NLN: variants seen among roughly 807,000 people sequenced by gnomAD.
NLN encodes neurolysin, mitochondrial.
Under a neutral mutation model 79.9 loss-of-function variants are expected in NLN, and 64 were observed. The ratio of observed to expected loss-of-function variants is 0.80; its 90% CI spans 0.65 to 0.99. NLN has a LOEUF of 0.99. NLN is among the 50% of genes least tolerant of loss of function. NLN has a pLI of 0.00. For missense variants in NLN, 835 were observed against 858.7 expected, an observed-to-expected ratio of 0.97 and a Z score of 0.34; for synonymous variants, 267 against 296.6, an observed-to-expected ratio of 0.90 and a Z score of 1.02.
intron 3 of NLN, among the ~76,000 whole-genome samples, chr5:65,766,808 A>T (rs537661365): frequency 6.6e-6 from 1 of 152,364 alleles, no homozygotes; most frequent in South Asian, 2.1e-4. Flanking sequence ...AAATGTTCAC[A>T]TTCCAAATGG....
intron 3 of NLN, among the ~76,000 whole-genome samples, chr5:65,766,583 C>G (rs961034689): frequency 5.9e-5 from 9 of 152,144 alleles, no homozygotes; most frequent in African/African-American, 2.2e-4. Context: ...TCATCACACC[C>G]CCAGCCCCTC....
intron 1 of NLN, among the ~76,000 whole-genome samples, chr5:65,756,560 C>G (rs1219192501): frequency 3.3e-5 from 5 of 152,154 alleles, no homozygotes; most frequent in Non-Finnish European, 5.9e-5. Flanking sequence ...AGTGATTTCT[C>G]TAAAACACAA....
At chr5:65,767,424 A>C (rs1759475164) in intron 3 of NLN, among the ~76,000 whole-genome samples, 1 of 152,220 alleles carries the variant, frequency 6.6e-6, no homozygotes, top group African/African-American at 2.4e-5. Context: ...GAGCTGGAGC[A>C]ACTGGGATGC....
chr5:65,758,910 G>T, intron 2 of NLN, 84 bp downstream of exon 2: 1 of 1,252,190 alleles, frequency 8.0e-7, no homozygotes, highest in Non-Finnish European at 1.1e-6. Flanking sequence ...CAGTTTTCCA[G>T]TTTTACAAGC....
At chr5:65,811,446 C>T (rs371388036) in intron 11 of NLN, among the ~76,000 whole-genome samples, 58 of 151,836 alleles carry the variant, frequency 3.8e-4, no homozygotes, top group East Asian at 5.8e-4. Flanking sequence ...GAGGCTGAGG[C>T]GGGAAGATCA....
chr5:65,787,304 G>A (rs1387482121), intron 7 of NLN, among the ~76,000 whole-genome samples: 1 of 151,406 alleles, frequency 6.6e-6, no homozygotes, highest in Non-Finnish European at 1.5e-5. Flanking sequence ...ACAGACACAT[G>A]CACGCACACA....
chr5:65,780,318 T>G (rs780113934), intron 5 of NLN, 37 bp downstream of exon 5: 1 of 813,644 alleles, frequency 1.2e-6, no homozygotes, highest in South Asian at 1.6e-5. Context: ...AATCATATAA[T>G]TTAGGCAAAT....
Position 65,809,783 on chromosome 5 carries a change from T to C in NLN, c.1714+82T>C, listed in dbSNP as rs534442831. 3.2e-4 allele frequency: 385 copies of C among 1,187,110 alleles called. 4 individuals carry two copies. The South Asian group carries it at 5.7e-3, about 18-fold the overall frequency. 73.5% of individuals were successfully genotyped at this position (1,187,110 alleles called of 1,614,324 possible). ...CTGTCACCTTCTTCTGTAGAACTTA[T>C]TTTCATTTTAAGTGGTATCCCAACC... On this transcript the variant is annotated intron_variant, in intron 10 of 12. Coordinates refer to ENST00000380985, the MANE Select transcript of NLN (RefSeq NM_020726.5).
intron 2 of NLN, among the ~76,000 whole-genome samples, chr5:65,761,087 C>T (rs896670816): frequency 1.3e-5 from 2 of 152,094 alleles, no homozygotes; most frequent in African/African-American, 4.8e-5. Flanking sequence ...TGGGCGTCAG[C>T]ATTGTCTATG....
At position 65,825,816 on chromosome 5, in the gene NLN, A is replaced by G. The variant is rs918864375; in HGVS notation, c.*2901A>G. The G allele has an allele frequency of 1.3e-5, 2 of 152,184 alleles. No individual in the cohort carries two copies. Among genetic ancestry groups the G allele is most frequent in the African/African-American group, 2.4e-5 (1 of 41,448 alleles). 9.4% of individuals were successfully genotyped at this position (152,184 alleles called of 1,614,324 possible). A position where few individuals can be genotyped will look rare whatever the true frequency, so the allele number is the denominator to read the frequency against. On this transcript the variant is annotated 3_prime_UTR_variant, in exon 13 of 13. Transcript: ENST00000380985. ...CAGTGACTCAATTTTCTACTTTACC[A>G]TTTTACCTTTAGCTTTTATGTATGA...
intron 1 of NLN, among the ~76,000 whole-genome samples, chr5:65,737,469 A>AT (rs1219526320): frequency 2.0e-5 from 3 of 152,060 alleles, no homozygotes; most frequent in African/African-American, 4.8e-5. Flanking sequence ...TCAGCAGCCT[A>AT]TTTTTTTGTT....
chr5:65,779,050 A>G (rs1332386376), intron 4 of NLN, among the ~76,000 whole-genome samples: 2 of 152,054 alleles, frequency 1.3e-5, no homozygotes, highest in Admixed American at 1.3e-4. Flanking sequence ...TGGGCGCTGC[A>G]AAGTGGGGCA....
At chr5:65,787,865 C>T (rs1388657897) in intron 7 of NLN, among the ~76,000 whole-genome samples, 1 of 152,156 alleles carries the variant, frequency 6.6e-6, no homozygotes, top group African/African-American at 2.4e-5. Flanking sequence ...GAACTCATGG[C>T]CCAGTTCTGG....
chr5:65,809,926 C>A, intron 10 of NLN, 111 bp from the exon 11 acceptor site: 1 of 1,244,632 alleles, frequency 8.0e-7, no homozygotes, highest in South Asian at 1.4e-5. Context: ...ATGTCCTGCT[C>A]CCATTTTGTG....
chr5:65,809,519 AT>A lies in NLN; in HGVS notation c.1536del (p.Phe512LeufsTer14), dbSNP rs778697835. 2 of 1,594,936 alleles carry A rather than the reference AT, an allele frequency of 1.3e-6. No homozygotes were observed. The highest frequency in any genetic ancestry group is 2.2e-5 in the East Asian group (1 of 44,750). On this transcript the variant is annotated frameshift_variant, in exon 10 of 13. Coordinates refer to ENST00000380985, the MANE Select transcript of NLN (RefSeq NM_020726.5). LOFTEE classifies it high-confidence loss of function. The part of the protein sequence containing the change: ...HVMHQICAQT[D>X]FARFSGTNVE... ...TTCTCTGTGTTTGCTTTCTAGACTG[AT>A]TTTGCACGATTTAGCGGAACAAATG...
rs1198350282 is a variant in NLN at position 65,781,221 on chromosome 5, G to T, written c.662-40G>T. 7 of 1,422,620 alleles carry T rather than the reference G, an allele frequency of 4.9e-6. No individual in the cohort carries two copies. In the African/African-American group the frequency reaches 9.9e-5, roughly 20 times the overall value. 88.1% of individuals were successfully genotyped at this position (1,422,620 alleles called of 1,614,324 possible). On this transcript the variant is annotated intron_variant, in intron 5 of 12. Transcript: ENST00000380985. ...TGCCAATACTAAATAAACCAGCAAT[G>T]AGTGGAAAATTTGATATATGAGAAA...
At chr5:65,788,669 C>T (rs1218913501) in intron 8 of NLN, among the ~76,000 whole-genome samples, 185 bp downstream of exon 8, 1 of 152,066 alleles carries the variant, frequency 6.6e-6, no homozygotes, top group East Asian at 1.9e-4. Context: ...GGCCCTGTCT[C>T]TACAAAAAAT....
chr5:65,791,267 C>T, intron 8 of NLN, among the ~76,000 whole-genome samples: 1 of 151,922 alleles, frequency 6.6e-6, no homozygotes, highest in East Asian at 1.9e-4. Flanking sequence ...AGTAAAAATA[C>T]AAAAATTAGG....
chr5:65,805,228 C>T (rs1405569149), intron 9 of NLN, among the ~76,000 whole-genome samples: 2 of 152,150 alleles, frequency 1.3e-5, no homozygotes, highest in Non-Finnish European at 2.9e-5. Context: ...TTAGATTAGT[C>T]AATAACCCTA....
Sources: gnomAD v4.1 joint callset for allele counts (sites outside exome capture counted in the v4.1 genomes callset) on GRCh38, gnomAD v4.1.1 for gene constraint, MANE v1.5 for transcripts, NCBI Gene and HGNC (gene_info 2026-07-23, HGNC 2026-07-21) for gene names.